Variants in CSMD1 observed in about 807,000 individuals in gnomAD.
The protein encoded by CSMD1 is CUB and sushi domain-containing protein 1.
In CSMD1, 213 loss-of-function variants were observed where a neutral mutation model predicts 417.5. The observed-to-expected ratio is 0.51, with a 90% CI of 0.46 to 0.57. The LOEUF is 0.57. CSMD1 is among the 20% of genes least tolerant of loss of function. The pLI, the probability that CSMD1 is intolerant of heterozygous loss-of-function variation, is 0.00. For synonymous variants in CSMD1, 2,862 were observed against 1,736.8 expected (o/e 1.65, Z -16.11); for missense variants, 6,923 against 4,529.7 (o/e 1.53, Z -15.17).
intron 33 of CSMD1, 63 bp downstream of exon 33, chr8:3,199,651 G>T: frequency 9.4e-7 from 1 of 1,063,122 alleles, no homozygotes; most frequent in Non-Finnish European, 1.4e-6. Context: ...TCTGAGACTA[G>T]CCGTGGGTGC....
At chr8:4,383,416 T>C (rs1220751977) in intron 3 of CSMD1, among the ~76,000 whole-genome samples, 1 of 152,170 alleles carries the variant, frequency 6.6e-6, no homozygotes, top group East Asian at 1.9e-4. Context: ...TTGCCTCATT[T>C]CCGTTAAGTC....
intron 3 of CSMD1, among the ~76,000 whole-genome samples, chr8:4,355,648 G>C (rs1355253845): frequency 6.6e-6 from 1 of 151,778 alleles, no homozygotes; most frequent in Non-Finnish European, 1.5e-5. Context: ...TTCAAGAAAA[G>C]CAAGCATGCT....
chr8:4,955,410 GTGTC>G (rs1252710196), intron 1 of CSMD1, among the ~76,000 whole-genome samples: 1 of 151,096 alleles, frequency 6.6e-6, no homozygotes, highest in East Asian at 1.9e-4. Context: ...GATGCCTACT[GTGTC>G]TGTTTGGTGG....
intron 51 of CSMD1, among the ~76,000 whole-genome samples, chr8:3,019,918 T>A (rs1809215275): frequency 6.6e-6 from 1 of 152,190 alleles, no homozygotes; most frequent in East Asian, 1.9e-4. Flanking sequence ...AGAATGAAAG[T>A]GTTAGAAAAG....
At chr8:4,362,102 C>T (rs1021932741) in intron 3 of CSMD1, among the ~76,000 whole-genome samples, 15 of 152,032 alleles carry the variant, frequency 9.9e-5, no homozygotes, top group Non-Finnish European at 1.5e-4. Context: ...CAAATGAGAA[C>T]AGAATTACAA....
rs1246023652 is a variant in CSMD1, at chr8:4,077,428, T to C, written c.416-45329A>G. The stretch of plus-strand genomic sequence containing the variant: ...AGCTCTTAATAATTTTTATATGCAA[T>C]AATTAATTTGAGTATCCTATACATA... On this transcript the variant is annotated intron_variant, in intron 3 of 69. Coordinates refer to ENST00000635120, the MANE Select transcript of CSMD1 (RefSeq NM_033225.6). 4.0e-5 allele frequency among the ~76,000 whole-genome samples: 6 copies of C among 151,630 alleles called. 1 individual carries two copies. Among genetic ancestry groups the C allele is most frequent in the Non-Finnish European group, 5.9e-5 (4 of 67,940 alleles).
At chr8:3,111,448 C>G (rs549611670) in intron 42 of CSMD1, among the ~76,000 whole-genome samples, 1 of 152,240 alleles carries the variant, frequency 6.6e-6, no homozygotes, top group Admixed American at 6.5e-5. Context: ...GATTTGTAAG[C>G]TGGAGAAGCA....
At chr8:4,701,634 G>T (rs1387565787) in intron 1 of CSMD1, among the ~76,000 whole-genome samples, 1 of 152,002 alleles carries the variant, frequency 6.6e-6, no homozygotes, top group Non-Finnish European at 1.5e-5. Context: ...ACAGTATACA[G>T]GAGTTTGAAG....
chr8:3,813,856 C>T (rs1801223431), intron 5 of CSMD1, among the ~76,000 whole-genome samples: 1 of 152,100 alleles, frequency 6.6e-6, no homozygotes. Flanking sequence ...TGTTTTCTAT[C>T]AGACAAGAGA....
rs757892398 is a variant in CSMD1, at chr8:3,000,120, C to T, written c.8041G>A (p.Gly2681Ser). 39 of 1,539,026 alleles carry T rather than the reference C, an allele frequency of 2.5e-5. No individual in the cohort carries two copies. Among genetic ancestry groups the T allele is most frequent in the Non-Finnish European group, 3.4e-5 (39 of 1,140,018 alleles). The change falls in exon 53 of 70, where the codon GGT becomes AGT. Residue 2681 changes from glycine to serine, a missense_variant. Physicochemically the swap from Gly to Ser is moderately conservative, Grantham distance 56 (BLOSUM62 0). Coordinates refer to ENST00000635120, the MANE Select transcript of CSMD1 (RefSeq NM_033225.6). Reference protein sequence around the residue: ...SETRCLAGHCGSPDPIVNGHI... With the variant: ...SETRCLAGHCSSPDPIVNGHI... Reference sequence around the variant, plus strand: ...CCGTTCACAATCGGGTCTGGGGAACCGCAGTGGCCAGCTAAAAATGTTAAA... The same window carrying T: ...CCGTTCACAATCGGGTCTGGGGAACTGCAGTGGCCAGCTAAAAATGTTAAA...
chr8:3,727,798 C>G (rs192140632), intron 6 of CSMD1, among the ~76,000 whole-genome samples: 1 of 152,254 alleles, frequency 6.6e-6, no homozygotes, highest in East Asian at 1.9e-4. Flanking sequence ...AGGAAGGAAA[C>G]GCAGGTACAT....
intron 3 of CSMD1, among the ~76,000 whole-genome samples, chr8:4,119,984 T>A (rs577737626): frequency 6.6e-6 from 1 of 152,086 alleles, no homozygotes; most frequent in African/African-American, 2.4e-5. Flanking sequence ...GAATAAGACC[T>A]AGTATTTGAT....
At chr8:3,175,034 C>G (rs923274812) in intron 37 of CSMD1, among the ~76,000 whole-genome samples, 5 of 151,906 alleles carry the variant, frequency 3.3e-5, no homozygotes, top group African/African-American at 1.2e-4. Context: ...GAACTCAGTG[C>G]CTTTAAAATA....
chr8:3,868,223 A>G lies in CSMD1; in HGVS notation c.819-114181T>C, dbSNP rs1805239549. The stretch of plus-strand genomic sequence containing the variant: ...ACTGCGCCTGTAGAAAAAACCCAGA[A>G]CGAGGATGGGGGGGCATCTCCATTT... On this transcript the variant is annotated intron_variant, in intron 5 of 69. Transcript: ENST00000635120. Among the ~76,000 whole-genome samples, 3 of 120,080 alleles carry G rather than the reference A, an allele frequency of 2.5e-5. No homozygotes were observed. The South Asian group carries it at 7.5e-4, about 30-fold the overall frequency. 78.8% of individuals were successfully genotyped at this position (120,080 alleles called of 152,430 possible).
chr8:3,026,153 C>T (rs1809858384), intron 51 of CSMD1, among the ~76,000 whole-genome samples: 1 of 152,120 alleles, frequency 6.6e-6, no homozygotes, highest in Non-Finnish European at 1.5e-5. Flanking sequence ...GGAACTAAGT[C>T]CTTCCTGAAG....
At chr8:4,670,702 C>A (rs1348211536) in intron 1 of CSMD1, among the ~76,000 whole-genome samples, 2 of 152,100 alleles carry the variant, frequency 1.3e-5, no homozygotes, top group African/African-American at 2.4e-5. Context: ...GGATTCACGT[C>A]TCTTAAGGCA....
intron 46 of CSMD1, among the ~76,000 whole-genome samples, chr8:3,100,781 C>T (rs1815679210): frequency 6.6e-6 from 1 of 152,196 alleles, no homozygotes; most frequent in Admixed American, 6.5e-5. Flanking sequence ...AGGATTAGTA[C>T]TCTAGGATTA....
intron 3 of CSMD1, among the ~76,000 whole-genome samples, chr8:4,203,888 C>G (rs1281950921): frequency 3.9e-5 from 6 of 152,018 alleles, no homozygotes; most frequent in Admixed American, 3.9e-4. Flanking sequence ...ATCCCTTGAG[C>G]CAAGGAGTTT....
At chr8:3,584,545 G>C (rs942813414) in intron 9 of CSMD1, among the ~76,000 whole-genome samples, 5 of 152,082 alleles carry the variant, frequency 3.3e-5, no homozygotes, top group East Asian at 1.9e-4. Flanking sequence ...CTGAGTGTGT[G>C]ATATCTTTGG....
Sources: allele counts gnomAD v4.1 joint callset (sites outside exome capture counted in the v4.1 genomes callset), GRCh38; gene constraint gnomAD v4.1.1; transcripts MANE v1.5; gene names NCBI Gene and HGNC (gene_info 2026-07-23, HGNC 2026-07-21).